The following HHIP variants were observed in gnomAD, a reference collection of about 807,000 sequenced individuals.
HHIP encodes hedgehog-interacting protein.
In HHIP, 12 loss-of-function variants were observed where a neutral mutation model predicts 74.0. The ratio of observed to expected loss-of-function variants is 0.16; its 90% CI spans 0.10 to 0.26. The LOEUF is 0.26. Among genes scored for constraint, HHIP ranks in the 10% least tolerant of loss-of-function variants. The probability of loss-of-function intolerance (pLI) is 1.00; values close to 1 mark genes in which losing one functional copy is unlikely to be tolerated. For missense variants in HHIP, 788 were observed against 845.0 expected, an observed-to-expected ratio of 0.93 and a Z score of 0.84; for synonymous variants, 309 against 311.6, an observed-to-expected ratio of 0.99 and a Z score of 0.09.
At position 144,646,293 on chromosome 4, in the gene HHIP, A is replaced by G. The variant is rs199552915; in HGVS notation, c.-383A>G. ...TTCCTGCTACTGTCCCACCTAAACA[A>G]CTCCCGTTACACGGACAAGTGAACA... On this transcript the variant is annotated 5_prime_UTR_variant, in exon 1 of 13. Transcript: ENST00000296575. 5.4e-6 allele frequency: 1 copy of G among 186,662 alleles called. No homozygotes were observed. Among genetic ancestry groups the G allele is most frequent in the Non-Finnish European group, 1.1e-5 (1 of 90,720 alleles). The allele number at this position is 186,662 out of a possible 1,614,324, so 11.6% of individuals were successfully genotyped here.
chr4:144,646,741 T>C lies in HHIP; in HGVS notation c.66T>C (p.Asp22=), dbSNP rs767568940. 7 of 1,614,062 alleles carry C rather than the reference T, an allele frequency of 4.3e-6. No homozygotes were observed. The South Asian group carries it at 7.7e-5, about 18-fold the overall frequency. The change falls in exon 1 of 13, where the codon GAT becomes GAC. Residue 22 remains aspartate (D), a synonymous_variant. Transcript: ENST00000296575. ...TGGCTCTGGGCTTCTTTGAAGGAGATGCTAAGTTTGGGGAAAGAAACGAAG... is the reference window on the plus strand; with the variant it reads ...TGGCTCTGGGCTTCTTTGAAGGAGACGCTAAGTTTGGGGAAAGAAACGAAG... The part of the protein sequence containing the change: ...LAVALGFFEG[D]AKFGERNEGS...
chr4:144,670,142 C>CAA (rs35586380), intron 4 of HHIP, among the ~76,000 whole-genome samples: 91 of 138,556 alleles, frequency 6.6e-4, no homozygotes, highest in South Asian at 2.3e-3. Context: ...GACTCCATCT[C>CAA]AAAAAAAAAA....
intron 8 of HHIP, 79 bp from the exon 9 acceptor site, chr4:144,714,146 A>C: frequency 8.1e-7 from 1 of 1,228,518 alleles, no homozygotes; most frequent in Non-Finnish European, 1.2e-6. Flanking sequence ...AAATTACTAT[A>C]GTAATTGTTG....
At chr4:144,664,152 C>T (rs1161819741) in intron 4 of HHIP, among the ~76,000 whole-genome samples, 1 of 152,220 alleles carries the variant, frequency 6.6e-6, no homozygotes, top group Non-Finnish European at 1.5e-5. Flanking sequence ...CTGTCCCTCT[C>T]TATCTACTTG....
intron 4 of HHIP, among the ~76,000 whole-genome samples, chr4:144,675,535 CAA>C (rs768437318): frequency 5.9e-5 from 9 of 152,000 alleles, no homozygotes; most frequent in Non-Finnish European, 1.0e-4. Flanking sequence ...ACATAAAATA[CAA>C]AGAGATTATT....
rs1309249569 is a variant in HHIP at position 144,741,699 on chromosome 4, T to C, written c.*3742T>C. The C allele has an allele frequency of 6.6e-6, 1 of 152,150 alleles. No individual in the cohort carries two copies. Among genetic ancestry groups the C allele is most frequent in the African/African-American group, 2.4e-5 (1 of 41,422 alleles). 9.4% of individuals were successfully genotyped at this position (152,150 alleles called of 1,614,324 possible). A position where few individuals can be genotyped will look rare whatever the true frequency, so the allele number is the denominator to read the frequency against. On this transcript the variant is annotated 3_prime_UTR_variant, in exon 13 of 13. Transcript: ENST00000296575. ...GCCCAGCTTCCATTTGCTTTTGATA[T>C]TGTTTTTATCTCTGAGTTACAAACT...
intron 2 of HHIP, among the ~76,000 whole-genome samples, chr4:144,654,507 C>A (rs1353445080): frequency 6.6e-6 from 1 of 152,136 alleles, no homozygotes; most frequent in Admixed American, 6.5e-5. Context: ...CCCCTGCGTA[C>A]CTCAAATGCT....
chr4:144,703,331 C>A (rs1730043794), intron 4 of HHIP, among the ~76,000 whole-genome samples: 1 of 152,032 alleles, frequency 6.6e-6, no homozygotes, highest in African/African-American at 2.4e-5. Flanking sequence ...TTTTAGCCAG[C>A]TTGGCTCAAC....
chr4:144,708,096 C>T, intron 6 of HHIP, 72 bp from the exon 7 acceptor site: 1 of 1,475,632 alleles, frequency 6.8e-7, no homozygotes, highest in Non-Finnish European at 9.4e-7. Flanking sequence ...ATAGAGCAAC[C>T]TCACCATATT....
Position 144,652,802 on chromosome 4 carries a change from G to T in HHIP, c.472+5G>T. 1.3e-6 allele frequency: 2 copies of T among 1,535,156 alleles called. No homozygotes were observed. The highest frequency in any genetic ancestry group is 2.3e-5 in the East Asian group (1 of 43,252). The stretch of plus-strand genomic sequence containing the variant: ...CTTGCCGAGGCCATATTCCAGGTAA[G>T]AAAAAAAAATGCATAAGTAAAATAA... On this transcript the variant is annotated splice_donor_5th_base_variant and intron_variant, in intron 2 of 12. Transcript: ENST00000296575.
intron 4 of HHIP, among the ~76,000 whole-genome samples, chr4:144,703,214 C>CA (rs11398510): frequency 0.5 from 71,543 of 143,130 alleles, 17,982 homozygotes; most frequent in South Asian, 0.72. Flanking sequence ...AACTCCATCT[C>CA]AAAAAAAAAA....
Position 144,717,795 on chromosome 4 carries a change from T to C in HHIP, c.1679-1080T>C, listed in dbSNP as rs555770479. Reference sequence around the variant, plus strand: ...AATCCTTCTCTCCCCTCTCCCCCAGTGTTTATTTTAACATATTTTGATGTA... The same window carrying C: ...AATCCTTCTCTCCCCTCTCCCCCAGCGTTTATTTTAACATATTTTGATGTA... On this transcript the variant is annotated intron_variant, in intron 10 of 12. Coordinates refer to ENST00000296575, the MANE Select transcript of HHIP (RefSeq NM_022475.3). 3.1e-3 allele frequency among the ~76,000 whole-genome samples: 471 copies of C among 152,244 alleles called. 1 individual carries two copies. Among genetic ancestry groups the C allele is most frequent in the Non-Finnish European group, 4.0e-3 (270 of 68,004 alleles).
chr4:144,652,537 A>C lies in HHIP; in HGVS notation c.280-68A>C. 6 of 998,256 alleles carry C rather than the reference A, an allele frequency of 6.0e-6. No homozygotes were observed. In the South Asian group the frequency reaches 8.5e-5, roughly 14 times the overall value. The allele number at this position is 998,256 out of a possible 1,614,324, so 61.8% of individuals were successfully genotyped here. ...CTTTTCTACTTACACAATTGCAAAA[A>C]ATAATAATAATAGCTAAACCTAAAT... On this transcript the variant is annotated intron_variant, in intron 1 of 12. Coordinates refer to ENST00000296575, the MANE Select transcript of HHIP (RefSeq NM_022475.3).
rs745687585 is a variant in HHIP at position 144,646,645 on chromosome 4, C to G, written c.-31C>G. On this transcript the variant is annotated 5_prime_UTR_variant, in exon 1 of 13. Coordinates refer to ENST00000296575, the MANE Select transcript of HHIP (RefSeq NM_022475.3). ...GCAGTGGCGTTCCCCCCCATCCTCCCGCGCCCAGCCCCTGCTGCTCTGGGC... is the reference window on the plus strand; with the variant it reads ...GCAGTGGCGTTCCCCCCCATCCTCCGGCGCCCAGCCCCTGCTGCTCTGGGC... 3 of 1,599,182 alleles carry G rather than the reference C, an allele frequency of 1.9e-6. No homozygotes were observed. Among genetic ancestry groups the G allele is most frequent in the East Asian group, 2.2e-5 (1 of 44,714 alleles).
chr4:144,652,520 C>A, intron 1 of HHIP, 85 bp from the exon 2 acceptor site: 1 of 823,834 alleles, frequency 1.2e-6, no homozygotes, highest in Non-Finnish European at 2.0e-6. Flanking sequence ...GACTTTTCTA[C>A]TTACACAATT....
intron 4 of HHIP, among the ~76,000 whole-genome samples, chr4:144,697,878 C>T (rs1729864705): frequency 6.6e-6 from 1 of 152,010 alleles, no homozygotes; most frequent in South Asian, 2.1e-4. Flanking sequence ...TCCAATACGT[C>T]CAATATCCTC....
At chr4:144,729,985 G>A (rs986432257) in intron 11 of HHIP, among the ~76,000 whole-genome samples, 1 of 152,106 alleles carries the variant, frequency 6.6e-6, no homozygotes, top group African/African-American at 2.4e-5. Context: ...ATTTATCCTC[G>A]TACCTCCGCA....
rs201603291 is a variant in HHIP, at chr4:144,715,397, G to T, written c.1645G>T (p.Gly549Cys). The T allele has an allele frequency of 8.7e-6, 14 of 1,613,184 alleles. No individual in the cohort carries two copies. Among genetic ancestry groups the T allele is most frequent in the Non-Finnish European group, 1.1e-5 (13 of 1,179,480 alleles). ...TGGGTCCTGTAGAGGCTACTTTTCC[G>T]GTCACATCTTGGGATTTGGAGAAGA... is the stretch of plus-strand genomic sequence containing the variant. The part of the protein sequence containing the change: ...TSGSCRGYFS[G>C]HILGFGEDEL... Residue 549 changes from glycine to cysteine, a missense_variant, in exon 10 of 13, where the codon GGT becomes TGT. Around this residue, in one of 3 missense-constraint regions of HHIP, gnomAD observed 343 missense variants for 347.9 expected, o/e 0.99. Coordinates refer to ENST00000296575, the MANE Select transcript of HHIP (RefSeq NM_022475.3).
rs780797239 is a variant in HHIP, at chr4:144,738,749, T to A, written c.*792T>A. Reference sequence around the variant, plus strand: ...ACCTAGATGAAACACCTTTACCCTGTCCTGTAAAACACTAAAGTTACATTT... The same window carrying A: ...ACCTAGATGAAACACCTTTACCCTGACCTGTAAAACACTAAAGTTACATTT... On this transcript the variant is annotated 3_prime_UTR_variant, in exon 13 of 13. Transcript: ENST00000296575. The A allele has an allele frequency of 1.8e-5, 15 of 831,854 alleles. No homozygotes were observed. Among genetic ancestry groups the A allele is most frequent in the Non-Finnish European group, 1.9e-5 (13 of 689,660 alleles). The allele number at this position is 831,854 out of a possible 1,614,324, so 51.5% of individuals were successfully genotyped here. A position where few individuals can be genotyped will look rare whatever the true frequency, so the allele number is the denominator to read the frequency against.
Sources: allele counts gnomAD v4.1 joint callset (sites outside exome capture counted in the v4.1 genomes callset), GRCh38; gene constraint gnomAD v4.1.1; regional missense constraint gnomAD v4.1.1; transcripts MANE v1.5; gene names NCBI Gene and HGNC (gene_info 2026-07-23, HGNC 2026-07-21).